DMD: variants seen among roughly 807,000 people sequenced by gnomAD.
DMD encodes dystrophin.
DMD carries 63 observed loss-of-function variants against 330.1 expected under a neutral mutation model. The ratio of observed to expected loss-of-function variants is 0.19; its 90% CI spans 0.16 to 0.24. DMD has a LOEUF of 0.24. DMD is among the 10% of genes least tolerant of loss of function. DMD has a pLI of 1.00. For missense variants in DMD, 3,344 were observed against 2,684.1 expected (o/e 1.25, Z -5.43); for synonymous variants, 1,223 against 959.8 (o/e 1.27, Z -5.07).
intron 62 of DMD, among the ~76,000 whole-genome samples, chrX:31,312,769 A>G (rs2055626803): frequency 8.9e-6 from 1 of 112,379 alleles, no homozygotes; most frequent in Non-Finnish European, 1.9e-5. Context: ...ATGGAATACT[A>G]CGCAGCCATA....
intron 38 of DMD, among the ~76,000 whole-genome samples, chrX:32,347,975 T>C (rs1164189589): frequency 8.9e-6 from 1 of 111,857 alleles, no homozygotes; most frequent in Non-Finnish European, 1.9e-5. Context: ...TGTGGGAAAT[T>C]GTAATAAATA....
In DMD at chrX:32,468,692, G is replaced by T. The variant is rs1233380601; in HGVS notation, c.2968C>A (p.Gln990Lys). 8.3e-7 allele frequency: 1 copy of T among 1,210,315 alleles called. No homozygotes were observed. Among genetic ancestry groups the T allele is most frequent in the Admixed American group, 2.2e-5 (1 of 45,859 alleles). Reference sequence around the variant, plus strand: ...TAGTATAGGCCACTTTGTTGCTCTTGCAGAGAACTTTGTAAAGCCTAAAAA... The same window carrying T: ...TAGTATAGGCCACTTTGTTGCTCTTTCAGAGAACTTTGTAAAGCCTAAAAA... Reference protein sequence around the residue: ...GELQALQSSLQEQQSGLYYLS... With the variant: ...GELQALQSSLKEQQSGLYYLS... Residue 990 changes from glutamine (Q) to lysine (K), a missense_variant, in exon 23 of 79, where the codon CAA becomes AAA. Coordinates refer to ENST00000357033, the MANE Select transcript of DMD (RefSeq NM_004006.3).
Position 32,287,655 on chromosome X carries a change from A to G in DMD, c.6164T>C (p.Ile2055Thr). ...CAATGCTGCTGTCTTCTTGCTATGA[A>G]TAATGTCAATCCGACCTGAGCTTTG... The part of the protein sequence containing the change: ...LQQSSGRIDI[I>T]HSKKTAALQS... Residue 2055 changes from isoleucine (I) to threonine (T), a missense_variant, in exon 43 of 79, where the codon ATT (isoleucine) becomes ACT (threonine). Ile to Thr is a moderately conservative substitution (Grantham distance 89, BLOSUM62 -1). Transcript: ENST00000357033. 1 of 1,210,287 alleles carries G rather than the reference A, an allele frequency of 8.3e-7. No homozygotes were observed. The highest frequency in any genetic ancestry group is 1.1e-6 in the Non-Finnish European group (1 of 894,426).
intron 2 of DMD, among the ~76,000 whole-genome samples, chrX:33,017,904 A>T (rs144504904): frequency 0.012 from 1,295 of 112,114 alleles, 23 homozygotes; most frequent in African/African-American, 0.04. Context: ...AAAGGCATGC[A>T]GCGATGCAAT....
chrX:33,041,338 C>A (rs1603013376), intron 1 of DMD: 20 of 1,136,746 alleles, frequency 1.8e-5, no homozygotes, highest in Non-Finnish European at 2.4e-5. Context: ...CTCTGCGCGT[C>A]GCCCTCCACG....
intron 1 of DMD, among the ~76,000 whole-genome samples, chrX:33,262,336 G>A (rs1238208988): frequency 1.8e-5 from 2 of 110,742 alleles, no homozygotes; most frequent in African/African-American, 3.3e-5. Context: ...CATAAAAGAT[G>A]GACAATATTA....
intron 44 of DMD, among the ~76,000 whole-genome samples, chrX:32,103,158 C>A (rs2096547918): frequency 9.0e-6 from 1 of 110,985 alleles, no homozygotes; most frequent in Admixed American, 9.7e-5. Context: ...TTATTAATAG[C>A]TAATCATTAT....
At chrX:31,744,306 G>A (rs1344821218) in intron 51 of DMD, among the ~76,000 whole-genome samples, 1 of 111,365 alleles carries the variant, frequency 9.0e-6, no homozygotes, top group Admixed American at 9.5e-5. Context: ...TTACCAAAAC[G>A]TGACACAGAG....
intron 1 of DMD, among the ~76,000 whole-genome samples, chrX:33,039,865 T>G (rs181906884): frequency 1.1e-4 from 12 of 110,740 alleles, no homozygotes; most frequent in African/African-American, 3.6e-4. Context: ...CAGGGTGATC[T>G]ATAAAAACGT....
chrX:32,086,816 G>T (rs1458125945), intron 44 of DMD, among the ~76,000 whole-genome samples: 4 of 111,113 alleles, frequency 3.6e-5, no homozygotes, highest in African/African-American at 1.3e-4. Context: ...CAGGTAAATA[G>T]AACAAAAAAA....
chrX:32,802,478 G>A (rs1488956658), intron 7 of DMD, among the ~76,000 whole-genome samples: 1 of 111,413 alleles, frequency 9.0e-6, no homozygotes, highest in Non-Finnish European at 1.9e-5. Context: ...TCTTTCTCCT[G>A]CCTGATTGTG....
intron 41 of DMD, among the ~76,000 whole-genome samples, chrX:32,316,860 TATA>T (rs2097584326): frequency 9.0e-6 from 1 of 111,240 alleles, no homozygotes; most frequent in Non-Finnish European, 1.9e-5. Context: ...CATGCGAATC[TATA>T]ATGAGAAAAC....
rs1175940598 is a variant in DMD, at chrX:33,041,203, T to C, written c.32-21003A>G. On this transcript the variant is annotated intron_variant, in intron 1 of 78. Transcript: ENST00000357033. ...ATATTGGAAAAATTGTTTACCAATG[T>C]TCACACCTGAGTACTCAATCCTTTG... Among the ~76,000 whole-genome samples the C allele has an allele frequency of 8.8e-5, 10 of 113,502 alleles. No homozygotes were observed. The Admixed American group carries it at 9.2e-4, about 10-fold the overall frequency.
At position 32,088,061 on chromosome X, in the gene DMD, G is replaced by A. The variant is rs144485970; in HGVS notation, c.6439-119547C>T. 3.9e-3 allele frequency among the ~76,000 whole-genome samples: 434 copies of A among 112,221 alleles called. 2 individuals carry two copies. The highest frequency in any genetic ancestry group is 0.013 in the African/African-American group (409 of 30,930). The stretch of plus-strand genomic sequence containing the variant: ...TCTATAATATGGGTGTCTGCCACTC[G>A]TTCAACAATCCATTAGCAAATCATT... On this transcript the variant is annotated intron_variant, in intron 44 of 78. Coordinates refer to ENST00000357033, the MANE Select transcript of DMD (RefSeq NM_004006.3).
At position 33,045,315 on chromosome X, in the gene DMD, T is replaced by TACAC. The variant is rs55970492; in HGVS notation, c.32-25119_32-25116dup. ...TCAGAACTACACACACACAGGTGCG[T>TACAC]ACACACACACACACACACACACACA... On this transcript the variant is annotated intron_variant, in intron 1 of 78. Transcript: ENST00000357033. 4.1e-3 allele frequency among the ~76,000 whole-genome samples: 401 copies of TACAC among 96,725 alleles called. 2 individuals carry two copies. The highest frequency in any genetic ancestry group is 0.013 in the African/African-American group (354 of 26,470). The allele number at this position is 96,725 out of a possible 115,157, so 84.0% of individuals were successfully genotyped here. A position where few individuals can be genotyped will look rare whatever the true frequency, so the allele number is the denominator to read the frequency against.
intron 16 of DMD, among the ~76,000 whole-genome samples, chrX:32,555,240 A>G (rs1320875401): frequency 1.8e-5 from 2 of 111,868 alleles, no homozygotes; most frequent in African/African-American, 6.5e-5. Context: ...GGTATTTAAT[A>G]AAATTCAACA....
At chrX:32,506,420 TAA>T (rs57359370) in intron 18 of DMD, among the ~76,000 whole-genome samples, 15 of 71,463 alleles carry the variant, frequency 2.1e-4, no homozygotes, top group African/African-American at 3.9e-4. Context: ...TACAAAATGC[TAA>T]AAAAAAAAAA....
chrX:32,454,223 C>T (rs1405313884), intron 26 of DMD, among the ~76,000 whole-genome samples: 5 of 111,084 alleles, frequency 4.5e-5, no homozygotes, highest in South Asian at 7.3e-4. Context: ...TTAAAGGCTA[C>T]GGGTTCAAAT....
intron 41 of DMD, among the ~76,000 whole-genome samples, chrX:32,310,528 C>T (rs138805863): frequency 2.7e-4 from 30 of 111,128 alleles, no homozygotes; most frequent in East Asian, 8.6e-4. Flanking sequence ...AAATATAAGA[C>T]GAAAGACCAT....
Sources: gnomAD v4.1 joint callset for allele counts (sites outside exome capture counted in the v4.1 genomes callset) on GRCh38, gnomAD v4.1.1 for gene constraint, MANE v1.5 for transcripts, NCBI Gene and HGNC (gene_info 2026-07-23, HGNC 2026-07-21) for gene names.